The following PTPRN2 variants were observed in gnomAD, a reference collection of about 807,000 sequenced individuals.
PTPRN2 encodes receptor-type tyrosine-protein phosphatase N2.
A neutral mutation model predicts 118.8 loss-of-function variants in PTPRN2; 74 were observed. The ratio of observed to expected loss-of-function variants is 0.62; its 90% CI spans 0.52 to 0.76. The LOEUF is 0.76. PTPRN2 is among the 30% of genes least tolerant of loss of function. PTPRN2 has a pLI of 0.00. For missense variants in PTPRN2, 1,481 were observed against 1,394.4 expected, an observed-to-expected ratio of 1.06 and a Z score of -0.99; for synonymous variants, 641 against 608.0, an observed-to-expected ratio of 1.05 and a Z score of -0.80.
chr7:158,210,839 G>A (rs1827539114), intron 3 of PTPRN2, among the ~76,000 whole-genome samples: 1 of 152,094 alleles, frequency 6.6e-6, no homozygotes, highest in Non-Finnish European at 1.5e-5. Flanking sequence ...TCCAAGCAAA[G>A]AAAAGCCTGG....
chr7:158,104,456 G>C (rs561302707), intron 10 of PTPRN2, among the ~76,000 whole-genome samples: 1 of 152,286 alleles, frequency 6.6e-6, no homozygotes, highest in South Asian at 2.1e-4. Context: ...AAGATCAGCA[G>C]CAGGGCCCCT....
intron 6 of PTPRN2, among the ~76,000 whole-genome samples, chr7:158,162,406 T>C (rs1231462034): frequency 1.3e-5 from 2 of 152,160 alleles, no homozygotes; most frequent in African/African-American, 4.8e-5. Flanking sequence ...GATTATAATG[T>C]AATAATACAA....
intron 2 of PTPRN2, among the ~76,000 whole-genome samples, chr7:158,332,377 G>A (rs1804659778): frequency 7.7e-6 from 1 of 129,056 alleles, no homozygotes; most frequent in African/African-American, 2.7e-5. Context: ...CATAAGAGGT[G>A]ACACCTGCAG....
chr7:158,222,691 T>A (rs1014703448), intron 3 of PTPRN2, among the ~76,000 whole-genome samples: 1 of 152,128 alleles, frequency 6.6e-6, no homozygotes, highest in African/African-American at 2.4e-5. Flanking sequence ...CCCATGCATA[T>A]GTACCCTCAA....
At chr7:157,825,201 G>A (rs1458712987) in intron 12 of PTPRN2, among the ~76,000 whole-genome samples, 1 of 152,194 alleles carries the variant, frequency 6.6e-6, no homozygotes, top group Non-Finnish European at 1.5e-5. Flanking sequence ...AGTGAGAGTT[G>A]TGTGCTGCTT....
chr7:158,085,223 T>C (rs1314968650), intron 10 of PTPRN2, among the ~76,000 whole-genome samples: 4 of 78,444 alleles, frequency 5.1e-5, no homozygotes, highest in Admixed American at 1.5e-4. Context: ...TCCACACAGA[T>C]ACCCATCCAC....
chr7:157,913,887 T>C (rs965490739), intron 11 of PTPRN2, among the ~76,000 whole-genome samples: 2 of 152,162 alleles, frequency 1.3e-5, no homozygotes, highest in African/African-American at 4.8e-5. Context: ...TATGAGTGCA[T>C]GTGTTTGGAT....
Position 158,250,469 on chromosome 7 carries a change from C to T in PTPRN2, c.278-45196G>A, listed in dbSNP as rs189727227. Among the ~76,000 whole-genome samples, 31 of 152,278 alleles carry T rather than the reference C, an allele frequency of 2.0e-4. 1 individual carries two copies. In the East Asian group the frequency reaches 5.6e-3, roughly 28 times the overall value. ...ACCGGCCTCCCCATCCTCATCCCCTCTCCATCTGCTCTTAACCCAGACTCA... is the reference window on the plus strand; with the variant it reads ...ACCGGCCTCCCCATCCTCATCCCCTTTCCATCTGCTCTTAACCCAGACTCA... On this transcript the variant is annotated intron_variant, in intron 3 of 22. Coordinates refer to ENST00000389418, the MANE Select transcript of PTPRN2 (RefSeq NM_002847.5).
chr7:158,108,241 T>G (rs1483776308), intron 10 of PTPRN2, among the ~76,000 whole-genome samples: 1 of 149,990 alleles, frequency 6.7e-6, no homozygotes, highest in Non-Finnish European at 1.5e-5. Flanking sequence ...TCACCCACTA[T>G]AGCCCCACAA....
rs185164333 is a variant in PTPRN2, at chr7:157,745,097, G to A, written c.1789-62160C>T. Among the ~76,000 whole-genome samples, 388 of 152,280 alleles carry A rather than the reference G, an allele frequency of 2.5e-3. 1 individual carries two copies. The highest frequency in any genetic ancestry group is 8.8e-3 in the African/African-American group (366 of 41,538). The stretch of plus-strand genomic sequence containing the variant: ...TTGGGTCACGATGCTCCCCTTGCAC[G>A]GAGCTAAGATTTATAGACCGAGACA... On this transcript the variant is annotated intron_variant, in intron 12 of 22. Coordinates refer to ENST00000389418, the MANE Select transcript of PTPRN2 (RefSeq NM_002847.5).
chr7:158,546,122 G>A lies in PTPRN2; in HGVS notation c.112+41436C>T, dbSNP rs147594923. Among the ~76,000 whole-genome samples, 1,074 of 152,316 alleles carry A rather than the reference G, an allele frequency of 7.1e-3. 12 individuals are homozygous for A. The highest frequency in any genetic ancestry group is 8.2e-3 in the Non-Finnish European group (561 of 68,026). On this transcript the variant is annotated intron_variant, in intron 1 of 22. Coordinates refer to ENST00000389418, the MANE Select transcript of PTPRN2 (RefSeq NM_002847.5). This position sits in a 1 kb window ranked among gnomAD's most constrained non-coding sequence, Gnocchi z 5.0. Reference sequence around the variant, plus strand: ...CCACAAACACGTGAGCCAGGTGAAGGGTCATGCAGAAAAGCAGGACTGGGT... The same window carrying A: ...CCACAAACACGTGAGCCAGGTGAAGAGTCATGCAGAAAAGCAGGACTGGGT...
At chr7:158,295,783 T>G (rs1034918945) in intron 3 of PTPRN2, among the ~76,000 whole-genome samples, 1 of 151,538 alleles carries the variant, frequency 6.6e-6, no homozygotes, top group Admixed American at 6.6e-5. Context: ...ATCCGCACGG[T>G]TCACCCGCCT....
intron 3 of PTPRN2, among the ~76,000 whole-genome samples, chr7:158,215,273 G>T (rs954164096): frequency 6.6e-6 from 1 of 152,176 alleles, no homozygotes; most frequent in Non-Finnish European, 1.5e-5. Flanking sequence ...ACAGAGGAAA[G>T]AATCAGTGAA....
intron 2 of PTPRN2, among the ~76,000 whole-genome samples, chr7:158,331,250 C>A (rs867696654): frequency 1.5e-5 from 2 of 133,332 alleles, no homozygotes; most frequent in Non-Finnish European, 3.2e-5. Flanking sequence ...GTCACTCACA[C>A]CCACACTCTC....
chr7:158,126,418 C>T (rs1177330308), intron 9 of PTPRN2, among the ~76,000 whole-genome samples: 1 of 19,694 alleles, frequency 5.1e-5, no homozygotes, highest in Non-Finnish European at 1.0e-4. Context: ...CAGCGGGCGG[C>T]GGAACTTCCT....
intron 11 of PTPRN2, among the ~76,000 whole-genome samples, chr7:157,991,620 A>G (rs2128845694): frequency 6.6e-6 from 1 of 152,316 alleles, no homozygotes; most frequent in East Asian, 1.9e-4. Context: ...TGGAGCTAGC[A>G]CAGACTTGCA....
At chr7:158,265,337 T>G (rs774382266) in intron 3 of PTPRN2, among the ~76,000 whole-genome samples, 1 of 151,842 alleles carries the variant, frequency 6.6e-6, no homozygotes, top group Non-Finnish European at 1.5e-5. Flanking sequence ...GGCACACTTG[T>G]GGATGCACAC....
At chr7:158,101,714 G>C (rs1815241270) in intron 10 of PTPRN2, among the ~76,000 whole-genome samples, 1 of 152,116 alleles carries the variant, frequency 6.6e-6, no homozygotes, top group African/African-American at 2.4e-5. Flanking sequence ...ATCCCACCTG[G>C]TATTTAAGAA....
intron 2 of PTPRN2, among the ~76,000 whole-genome samples, chr7:158,487,601 A>G (rs1437365247): frequency 1.3e-5 from 2 of 151,068 alleles, no homozygotes; most frequent in East Asian, 3.9e-4. Context: ...AGAGGGGGAA[A>G]GAGAGAGAGT....
Sources: allele counts gnomAD v4.1 joint callset (sites outside exome capture counted in the v4.1 genomes callset), GRCh38; gene constraint gnomAD v4.1.1; non-coding constraint Gnocchi (gnomAD v3.1); transcripts MANE v1.5; gene names NCBI Gene and HGNC (gene_info 2026-07-23, HGNC 2026-07-21).